The following SESTD1 variants were observed in gnomAD, a reference collection of about 807,000 sequenced individuals.
SESTD1 encodes SEC14 domain and spectrin repeat-containing protein 1.
In SESTD1, 43 loss-of-function variants were observed where a neutral mutation model predicts 101.7. The observed-to-expected ratio is 0.42, with a 90% CI of 0.33 to 0.55. The LOEUF is 0.55. Among genes scored for constraint, SESTD1 ranks in the 20% least tolerant of loss-of-function variants. The pLI is 0.07. For missense variants in SESTD1, 647 were observed against 815.1 expected (o/e 0.79, Z 2.51); for synonymous variants, 283 against 286.8 (o/e 0.99, Z 0.13).
chr2:179,149,057 CTCAAAAAAAAA>C (rs2045455797), intron 7 of SESTD1, among the ~76,000 whole-genome samples: 2 of 46,592 alleles, frequency 4.3e-5, no homozygotes, highest in Non-Finnish European at 6.8e-5. Flanking sequence ...AAGACTCCGT[CTCAAAAAAAAA>C]AAAAAAAAAA....
chr2:179,113,041 A>G (rs139705098), intron 16 of SESTD1, among the ~76,000 whole-genome samples, 196 bp from the exon 17 acceptor site: 14 of 152,352 alleles, frequency 9.2e-5, no homozygotes, highest in Middle Eastern at 3.4e-3. Context: ...AGATTGATCT[A>G]TTATTGGCAA....
At chr2:179,166,523 A>G (rs1167361415) in intron 5 of SESTD1, among the ~76,000 whole-genome samples, 3 of 152,214 alleles carry the variant, frequency 2.0e-5, no homozygotes, top group Non-Finnish European at 4.4e-5. Flanking sequence ...GAACTATCAT[A>G]GGTTCCCAAA....
At chr2:179,156,703 T>C (rs1257783877) in intron 5 of SESTD1, among the ~76,000 whole-genome samples, 2 of 152,206 alleles carry the variant, frequency 1.3e-5, no homozygotes, top group Admixed American at 6.5e-5. Context: ...TTTGAGTTCA[T>C]TGTAGATTCT....
At chr2:179,136,936 C>A (rs1346335474) in intron 9 of SESTD1, among the ~76,000 whole-genome samples, 2 of 152,014 alleles carry the variant, frequency 1.3e-5, no homozygotes, top group African/African-American at 4.8e-5. Context: ...AAAGTAATTT[C>A]CCTTAGTATA....
At chr2:179,185,390 G>GTA (rs201661672) in intron 2 of SESTD1, among the ~76,000 whole-genome samples, 189 of 143,990 alleles carry the variant, frequency 1.3e-3, no homozygotes, top group African/African-American at 4.5e-3. Flanking sequence ...ATTACATATT[G>GTA]TATATATAGT....
chr2:179,196,663 C>A (rs2046401114), intron 1 of SESTD1, among the ~76,000 whole-genome samples: 1 of 152,194 alleles, frequency 6.6e-6, no homozygotes, highest in Non-Finnish European at 1.5e-5. Flanking sequence ...GACCCCCGAG[C>A]AGCCTAACTG....
At chr2:179,247,531 C>T (rs1363872330) in intron 1 of SESTD1, among the ~76,000 whole-genome samples, 1 of 152,146 alleles carries the variant, frequency 6.6e-6, no homozygotes, top group Non-Finnish European at 1.5e-5. Context: ...CTCACACAAT[C>T]CCTCCCACAT....
rs1312224992 is a variant in SESTD1, at chr2:179,200,959, A to G, written c.-25-9093T>C. Reference sequence around the variant, plus strand: ...AACTCAAGAGCTTCTGCACAGCAAAAGAAACTACCATCAGAGTGAACAGGC... The same window carrying G: ...AACTCAAGAGCTTCTGCACAGCAAAGGAAACTACCATCAGAGTGAACAGGC... On this transcript the variant is annotated intron_variant, in intron 1 of 17. Transcript: ENST00000428443. Among the ~76,000 whole-genome samples the G allele has an allele frequency of 3.0e-5, 4 of 134,588 alleles. 2 individuals carry two copies. In the East Asian group the frequency reaches 8.0e-4, roughly 27 times the overall value. The allele number at this position is 134,588 out of a possible 152,430, so 88.3% of individuals were successfully genotyped here.
At chr2:179,224,491 T>C (rs1239086922) in intron 1 of SESTD1, among the ~76,000 whole-genome samples, 1 of 152,222 alleles carries the variant, frequency 6.6e-6, no homozygotes, top group Non-Finnish European at 1.5e-5. Flanking sequence ...CATACAACTC[T>C]TGCAATCTCT....
At chr2:179,233,290 T>A (rs566824216) in intron 1 of SESTD1, among the ~76,000 whole-genome samples, 12 of 152,334 alleles carry the variant, frequency 7.9e-5, no homozygotes, top group African/African-American at 2.9e-4. Context: ...AATTACTTTT[T>A]GTATATTCTA....
intron 1 of SESTD1, among the ~76,000 whole-genome samples, chr2:179,209,470 A>C (rs2046625463): frequency 7.4e-6 from 1 of 134,920 alleles, no homozygotes; most frequent in Admixed American, 7.2e-5. Context: ...TCATACGATA[A>C]GCCAAAAAAC....
At chr2:179,175,470 CACTTAAGTGAATTCTTATG>C (rs900145009) in intron 4 of SESTD1, among the ~76,000 whole-genome samples, 3 of 151,982 alleles carry the variant, frequency 2.0e-5, no homozygotes, top group Admixed American at 6.6e-5. Context: ...CACTGATATC[CACTTAAGTGAATTCTTATG>C]ATTCCATGTT....
intron 1 of SESTD1, among the ~76,000 whole-genome samples, chr2:179,243,390 A>G (rs2047183131): frequency 6.6e-6 from 1 of 152,230 alleles, no homozygotes; most frequent in Non-Finnish European, 1.5e-5. Context: ...CATTCGACCC[A>G]GCAATCCCAT....
chr2:179,141,475 G>A lies in SESTD1; in HGVS notation c.849+2117C>T, dbSNP rs186918065. 7.9e-5 allele frequency among the ~76,000 whole-genome samples: 12 copies of A among 151,942 alleles called. No individual in the cohort carries two copies. In the East Asian group the frequency reaches 2.3e-3, roughly 29 times the overall value. On this transcript the variant is annotated intron_variant, in intron 9 of 17. Transcript: ENST00000428443. The stretch of plus-strand genomic sequence containing the variant: ...TATTTTTACTCATCATGACATTGCT[G>A]AGCCTAGGACAATGTCATACTATTG...
intron 9 of SESTD1, 148 bp from the exon 10 acceptor site, chr2:179,132,574 T>C: frequency 1.2e-6 from 1 of 859,482 alleles, no homozygotes; most frequent in South Asian, 2.1e-5. Flanking sequence ...AATGTTTCTT[T>C]TGGAACTACA....
intron 1 of SESTD1, among the ~76,000 whole-genome samples, chr2:179,199,965 G>C (rs992617127): frequency 5.3e-5 from 8 of 152,146 alleles, no homozygotes; most frequent in African/African-American, 1.9e-4. Flanking sequence ...TATTCAATTA[G>C]GAAAAGGGGA....
intron 1 of SESTD1, among the ~76,000 whole-genome samples, chr2:179,249,201 G>A (rs1341513959): frequency 4.8e-5 from 6 of 123,862 alleles, no homozygotes; most frequent in Admixed American, 1.6e-4. Context: ...GGAAATAAAA[G>A]GCATACAGAT....
intron 13 of SESTD1, among the ~76,000 whole-genome samples, chr2:179,120,917 G>C (rs2044735580): frequency 6.6e-6 from 1 of 152,158 alleles, no homozygotes; most frequent in South Asian, 2.1e-4. Flanking sequence ...ATTTAAGTGA[G>C]GGCAGGAACC....
intron 1 of SESTD1, among the ~76,000 whole-genome samples, chr2:179,236,497 T>C (rs1418804782): frequency 6.6e-6 from 1 of 151,950 alleles, no homozygotes; most frequent in Non-Finnish European, 1.5e-5. Flanking sequence ...ATCCTGTATC[T>C]AAAAAGTAAT....
Sources: allele counts gnomAD v4.1 joint callset (sites outside exome capture counted in the v4.1 genomes callset), GRCh38; gene constraint gnomAD v4.1.1; transcripts MANE v1.5; gene names NCBI Gene and HGNC (gene_info 2026-07-23, HGNC 2026-07-21).